The following CTNNA2 variants were observed in gnomAD, a reference collection of about 807,000 sequenced individuals.
CTNNA2 encodes catenin alpha 2.
CTNNA2 carries 42 observed loss-of-function variants against 101.0 expected under a neutral mutation model. The ratio of observed to expected loss-of-function variants is 0.42; its 90% confidence interval spans 0.32 to 0.54. The LOEUF is 0.54. CTNNA2 is among the 20% of genes least tolerant of loss of function. The pLI is 0.14. For missense variants in CTNNA2, 871 were observed against 1,223.1 expected (o/e 0.71, Z 4.29); for synonymous variants, 450 against 456.4 (o/e 0.99, Z 0.18).
At chr2:79,704,510 C>CTTTTTTTTTTTT (rs780311540) in intron 2 of CTNNA2, among the ~76,000 whole-genome samples, 2 of 127,578 alleles carry the variant, frequency 1.6e-5, no homozygotes, top group African/African-American at 2.9e-5. Context: ...ACTTGTGCTT[C>CTTTTTTTTTTTT]TTTTTTTTTT....
chr2:79,711,022 C>G (rs141454372), intron 2 of CTNNA2, among the ~76,000 whole-genome samples: 1 of 152,086 alleles, frequency 6.6e-6, no homozygotes, highest in Non-Finnish European at 1.5e-5. Context: ...TCATAAAATG[C>G]GCTCATTTTC....
intron 3 of CTNNA2, among the ~76,000 whole-genome samples, chr2:79,808,584 C>G (rs1676758624): frequency 6.6e-6 from 1 of 152,000 alleles, no homozygotes. Flanking sequence ...TCCGGTTTGT[C>G]AATTCTCTAT....
At chr2:79,929,386 C>A (rs578242111) in intron 7 of CTNNA2, among the ~76,000 whole-genome samples, 1 of 152,110 alleles carries the variant, frequency 6.6e-6, no homozygotes, top group African/African-American at 2.4e-5. Context: ...GGGACGTATT[C>A]CGAAACTGTA....
intron 14 of CTNNA2, among the ~76,000 whole-genome samples, chr2:80,584,407 A>G (rs1386227291): frequency 7.6e-6 from 1 of 130,746 alleles, no homozygotes; most frequent in Non-Finnish European, 1.6e-5. Flanking sequence ...CTTGCCTACA[A>G]CATTCTGAGG....
intron 3 of CTNNA2, among the ~76,000 whole-genome samples, chr2:79,844,005 C>T (rs1461125322): frequency 2.6e-5 from 4 of 152,186 alleles, no homozygotes; most frequent in African/African-American, 9.7e-5. Context: ...TTAAATTGTA[C>T]TCCCAATGTG....
intron 2 of CTNNA2, among the ~76,000 whole-genome samples, chr2:79,198,973 A>G (rs1572974867): frequency 6.6e-6 from 1 of 152,188 alleles, no homozygotes. Context: ...TGTTTCATTA[A>G]CATTGCAATG....
At chr2:79,222,526 A>G (rs918326234) in intron 2 of CTNNA2, among the ~76,000 whole-genome samples, 32 of 152,194 alleles carry the variant, frequency 2.1e-4, no homozygotes, top group African/African-American at 7.2e-4. Flanking sequence ...TCTTCTGTTG[A>G]TAGCACAGGT....
chr2:80,575,557 T>A (rs2149705928), intron 13 of CTNNA2, among the ~76,000 whole-genome samples: 1 of 152,194 alleles, frequency 6.6e-6, no homozygotes, highest in East Asian at 1.9e-4. Context: ...CCATAAGAAA[T>A]TAGATCATTT....
chr2:80,149,362 G>T (rs1046704171), intron 7 of CTNNA2, among the ~76,000 whole-genome samples: 1 of 152,060 alleles, frequency 6.6e-6, no homozygotes, highest in Non-Finnish European at 1.5e-5. Flanking sequence ...CTGTAGAAAC[G>T]CTACCTCTAG....
chr2:79,752,190 G>A (rs1397152529), intron 3 of CTNNA2, among the ~76,000 whole-genome samples: 1 of 151,242 alleles, frequency 6.6e-6, no homozygotes, highest in Non-Finnish European at 1.5e-5. Flanking sequence ...GAGGGATGAA[G>A]GTATAGTTTT....
At chr2:80,031,307 A>G (rs188261578) in intron 7 of CTNNA2, among the ~76,000 whole-genome samples, 26 of 152,340 alleles carry the variant, frequency 1.7e-4, no homozygotes, top group Admixed American at 3.9e-4. Flanking sequence ...CATGCTGCTA[A>G]TAAAGACATA....
intron 7 of CTNNA2, among the ~76,000 whole-genome samples, chr2:80,346,668 G>A (rs1206233494): frequency 6.6e-6 from 1 of 152,078 alleles, no homozygotes; most frequent in Non-Finnish European, 1.5e-5. Flanking sequence ...GGTTCAGTTT[G>A]ATCATGATGC....
At chr2:79,299,262 T>A (rs1215692974) in intron 2 of CTNNA2, among the ~76,000 whole-genome samples, 1 of 152,122 alleles carries the variant, frequency 6.6e-6, no homozygotes, top group Non-Finnish European at 1.5e-5. Flanking sequence ...CAGGTGAGAT[T>A]TATTTGGATG....
chr2:79,193,491 A>G (rs2104165022), intron 1 of CTNNA2, among the ~76,000 whole-genome samples: 1 of 152,322 alleles, frequency 6.6e-6, no homozygotes, highest in East Asian at 1.9e-4. Context: ...CAAAGTATGT[A>G]GTAGCCTGTA....
intron 2 of CTNNA2, among the ~76,000 whole-genome samples, chr2:79,305,233 C>T (rs1161120551): frequency 4.7e-5 from 7 of 149,932 alleles, no homozygotes; most frequent in South Asian, 2.1e-4. Flanking sequence ...TATATATATA[C>T]ACACACACAC....
chr2:79,891,899 T>G (rs1456683392), intron 6 of CTNNA2, among the ~76,000 whole-genome samples: 1 of 152,150 alleles, frequency 6.6e-6, no homozygotes, highest in Non-Finnish European at 1.5e-5. Flanking sequence ...CTATTTTTAT[T>G]ATTTTCCAAA....
At chr2:79,748,207 A>G (rs1358210757) in intron 3 of CTNNA2, among the ~76,000 whole-genome samples, 1 of 152,204 alleles carries the variant, frequency 6.6e-6, no homozygotes, top group Non-Finnish European at 1.5e-5. Flanking sequence ...AATTTTATTT[A>G]CCAATGAGAG....
chr2:80,646,472 C>A (rs772996474), intron 18 of CTNNA2, among the ~76,000 whole-genome samples: 1 of 152,034 alleles, frequency 6.6e-6, no homozygotes, highest in Admixed American at 6.6e-5. Flanking sequence ...AGACTCCTGG[C>A]TGATGGAGAG....
chr2:80,050,459 G>A (rs926129273), intron 7 of CTNNA2, among the ~76,000 whole-genome samples: 5 of 152,118 alleles, frequency 3.3e-5, no homozygotes, highest in Admixed American at 2.0e-4. Flanking sequence ...CAAAGTCAGC[G>A]TGCCACATGT....
Sources: allele counts gnomAD v4.1 joint callset (sites outside exome capture counted in the v4.1 genomes callset), GRCh38; gene constraint gnomAD v4.1.1; transcripts MANE v1.5; gene names NCBI Gene and HGNC (gene_info 2026-07-23, HGNC 2026-07-21).